Variants in KCNIP4 observed in about 807,000 individuals in gnomAD.
KCNIP4 encodes Kv channel-interacting protein 4.
A neutral mutation model predicts 34.0 loss-of-function variants in KCNIP4; 12 were observed. That is an observed-to-expected ratio of 0.35 (90% CI 0.23 to 0.57). KCNIP4 has a LOEUF of 0.57. KCNIP4 is among the 20% of genes least tolerant of loss of function. The probability of loss-of-function intolerance (pLI) is 0.83; values close to 1 mark genes in which losing one functional copy is unlikely to be tolerated. For missense variants in KCNIP4, 238 were observed against 311.7 expected (o/e 0.76, Z 1.78); for synonymous variants, 124 against 102.2 (o/e 1.21, Z -1.29).
chr4:21,602,083 C>G (rs918985088), intron 1 of KCNIP4, among the ~76,000 whole-genome samples: 1 of 152,124 alleles, frequency 6.6e-6, no homozygotes, highest in South Asian at 2.1e-4. Flanking sequence ...AATGGCTTTG[C>G]TTATGTTGTT....
intron 1 of KCNIP4, among the ~76,000 whole-genome samples, chr4:21,808,808 T>C (rs1721453226): frequency 6.6e-6 from 1 of 152,210 alleles, no homozygotes; most frequent in African/African-American, 2.4e-5. Flanking sequence ...ATTTTGGGGA[T>C]GATTCCTTTG....
intron 1 of KCNIP4, among the ~76,000 whole-genome samples, chr4:21,563,904 C>T (rs1237499564): frequency 6.6e-6 from 1 of 152,040 alleles, no homozygotes; most frequent in Admixed American, 6.6e-5. Context: ...TGATATAATG[C>T]ATTTCACTTC....
At chr4:20,765,373 C>T (rs1755308064) in intron 3 of KCNIP4, among the ~76,000 whole-genome samples, 1 of 152,092 alleles carries the variant, frequency 6.6e-6, no homozygotes, top group Non-Finnish European at 1.5e-5. Context: ...CCAGAGGCAC[C>T]CATCACAGCT....
chr4:20,981,102 G>A (rs2149691381), intron 1 of KCNIP4, among the ~76,000 whole-genome samples: 1 of 152,300 alleles, frequency 6.6e-6, no homozygotes, highest in South Asian at 2.1e-4. Flanking sequence ...GGATAGAGGT[G>A]TCACCTTCTC....
At position 21,248,624 on chromosome 4, in the gene KCNIP4, A is replaced by G. The variant is rs80304926; in HGVS notation, c.62-365915T>C. Among the ~76,000 whole-genome samples, 1,352 of 152,200 alleles carry G rather than the reference A, an allele frequency of 8.9e-3. 51 individuals carry two copies. The highest frequency in any genetic ancestry group is 0.069 in the Admixed American group (1,047 of 15,270). ...CAGTGCCTGAGTATCTGACTGACCT[A>G]CTGGGATTAATTTACTCTTACAATA... is the stretch of plus-strand genomic sequence containing the variant. On this transcript the variant is annotated intron_variant, in intron 1 of 8. Transcript: ENST00000382152.
intron 1 of KCNIP4, among the ~76,000 whole-genome samples, chr4:20,975,339 A>T (rs1165461673): frequency 6.6e-6 from 1 of 152,236 alleles, no homozygotes; most frequent in Non-Finnish European, 1.5e-5. Flanking sequence ...TGGGTCTTTA[A>T]CAAATCTATG....
intron 1 of KCNIP4, among the ~76,000 whole-genome samples, chr4:21,890,898 A>G (rs1727053903): frequency 6.6e-6 from 1 of 152,148 alleles, no homozygotes; most frequent in South Asian, 2.1e-4. Context: ...GAAGACTTAC[A>G]TACAGGGCAG....
rs1753432154 is a variant in KCNIP4, at chr4:21,159,684, G to A, written c.62-276975C>T. ...CGGGTCACTCCCACCCGAATATTGC[G>A]CTTTTCAGACCGGCTTAAGAAACGG... On this transcript the variant is annotated intron_variant, in intron 1 of 8. Coordinates refer to ENST00000382152, the MANE Select transcript of KCNIP4 (RefSeq NM_025221.6). 2.0e-4 allele frequency among the ~76,000 whole-genome samples: 3 copies of A among 15,310 alleles called. 1 individual carries two copies. Among genetic ancestry groups the A allele is most frequent in the Admixed American group, 5.3e-4 (1 of 1,890 alleles). 10.0% of individuals were successfully genotyped at this position (15,310 alleles called of 152,430 possible).
intron 1 of KCNIP4, among the ~76,000 whole-genome samples, chr4:21,425,830 G>A (rs775419546): frequency 4.6e-5 from 7 of 152,056 alleles, no homozygotes; most frequent in African/African-American, 7.2e-5. Flanking sequence ...CAGTCAGATC[G>A]CTTAAGCCCA....
At chr4:21,831,663 CAAAAAAAAAA>C (rs141374886) in intron 1 of KCNIP4, among the ~76,000 whole-genome samples, 19 of 73,222 alleles carry the variant, frequency 2.6e-4, no homozygotes, top group Non-Finnish European at 3.6e-4. Flanking sequence ...CATTTTTCAT[CAAAAAAAAAA>C]AAAAAAAAAA....
chr4:20,898,040 A>T (rs1364743519), intron 1 of KCNIP4, among the ~76,000 whole-genome samples: 2 of 152,142 alleles, frequency 1.3e-5, no homozygotes, highest in Non-Finnish European at 2.9e-5. Flanking sequence ...GGTGGACATC[A>T]TCTAGTCCTT....
intron 1 of KCNIP4, among the ~76,000 whole-genome samples, chr4:21,298,078 C>T (rs1010068826): frequency 1.3e-5 from 2 of 152,108 alleles, no homozygotes; most frequent in African/African-American, 4.8e-5. Flanking sequence ...TCTGCAAAAT[C>T]AAAATATCAC....
chr4:21,704,697 C>A (rs1314607926), intron 1 of KCNIP4, among the ~76,000 whole-genome samples: 2 of 152,020 alleles, frequency 1.3e-5, no homozygotes, highest in South Asian at 2.1e-4. Flanking sequence ...AACATAAAAT[C>A]AAAAATGGTG....
Position 21,871,126 on chromosome 4 carries a change from A to C in KCNIP4, c.61+77445T>G, listed in dbSNP as rs866362180. On this transcript the variant is annotated intron_variant, in intron 1 of 8. Transcript: ENST00000382152. ...CCCAGTTTTTTTTTTTTAATACTTT[A>C]AGTTCTAGGGTACATGTGCACAACA... 2.0e-5 allele frequency among the ~76,000 whole-genome samples: 3 copies of C among 151,548 alleles called. No individual in the cohort carries two copies. In the South Asian group the frequency reaches 6.3e-4, roughly 32 times the overall value.
chr4:21,711,657 T>G (rs564923080), intron 1 of KCNIP4, among the ~76,000 whole-genome samples: 3 of 152,192 alleles, frequency 2.0e-5, no homozygotes, highest in African/African-American at 7.2e-5. Flanking sequence ...ATAAAATATA[T>G]AGGCAAATTT....
At chr4:21,353,860 G>A (rs1167347156) in intron 1 of KCNIP4, among the ~76,000 whole-genome samples, 2 of 152,148 alleles carry the variant, frequency 1.3e-5, no homozygotes, top group Admixed American at 6.5e-5. Flanking sequence ...ATTCACCAAG[G>A]TTGAAATGAA....
chr4:20,853,348 C>T (rs1721235820), intron 2 of KCNIP4, among the ~76,000 whole-genome samples: 2 of 152,142 alleles, frequency 1.3e-5, no homozygotes, highest in South Asian at 2.1e-4. Flanking sequence ...ATACTTACAG[C>T]CAACTGATCT....
intron 1 of KCNIP4, among the ~76,000 whole-genome samples, chr4:21,945,490 T>A (rs532720572): frequency 6.6e-6 from 1 of 152,232 alleles, no homozygotes; most frequent in African/African-American, 2.4e-5. Flanking sequence ...TGAGTTTGCC[T>A]TATTTTTAAA....
intron 1 of KCNIP4, among the ~76,000 whole-genome samples, chr4:21,081,877 A>G (rs372343868): frequency 2.0e-5 from 3 of 151,800 alleles, no homozygotes; most frequent in South Asian, 2.1e-4. Context: ...GTAGACGACA[A>G]TCTTTCAAGA....
Sources: allele counts gnomAD v4.1 joint callset (sites outside exome capture counted in the v4.1 genomes callset), GRCh38; gene constraint gnomAD v4.1.1; transcripts MANE v1.5; gene names NCBI Gene and HGNC (gene_info 2026-07-23, HGNC 2026-07-21).